Variants in CADM2 observed in about 807,000 individuals in gnomAD.
CADM2 encodes the protein immunoglobulin superfamily member 4D.
CADM2 carries 12 observed loss-of-function variants against 49.8 expected under a neutral mutation model. The observed-to-expected ratio is 0.24, with a 90% CI of 0.15 to 0.39. CADM2 has a LOEUF of 0.39. CADM2 is among the 10% of genes least tolerant of loss of function. CADM2 has a pLI of 1.00. For synonymous variants in CADM2, 214 were observed against 175.4 expected (o/e 1.22, Z -1.74); for missense variants, 378 against 492.3 (o/e 0.77, Z 2.20).
chr3:85,522,838 C>G (rs1028685000), intron 1 of CADM2, among the ~76,000 whole-genome samples: 1 of 151,788 alleles, frequency 6.6e-6, no homozygotes, highest in African/African-American at 2.4e-5. Context: ...CTCCTGTATC[C>G]CAAGCATCAG....
chr3:85,201,264 A>T (rs566411659), intron 1 of CADM2, among the ~76,000 whole-genome samples: 19 of 152,320 alleles, frequency 1.2e-4, no homozygotes, highest in African/African-American at 3.6e-4. Context: ...ATGTCACACA[A>T]ATTTGTTGGT....
At chr3:85,858,333 A>G (rs775779405) in intron 3 of CADM2, among the ~76,000 whole-genome samples, 4 of 152,194 alleles carry the variant, frequency 2.6e-5, no homozygotes, top group African/African-American at 4.8e-5. Context: ...ATTTAACACA[A>G]TTTTCTTGTT....
chr3:85,911,876 C>T (rs1457303283), intron 5 of CADM2, among the ~76,000 whole-genome samples: 1 of 151,656 alleles, frequency 6.6e-6, no homozygotes, highest in Non-Finnish European at 1.5e-5. Context: ...TGCTGCGCCC[C>T]CACCCTTTTA....
chr3:85,910,428 C>A (rs560202100), intron 5 of CADM2, among the ~76,000 whole-genome samples: 28 of 152,024 alleles, frequency 1.8e-4, no homozygotes, highest in Middle Eastern at 3.4e-3. Context: ...TAAATATAAG[C>A]AAAGAATCAT....
chr3:85,259,679 A>C (rs530245643), intron 1 of CADM2, among the ~76,000 whole-genome samples: 1 of 152,146 alleles, frequency 6.6e-6, no homozygotes, highest in Non-Finnish European at 1.5e-5. Context: ...GAACTGAAAC[A>C]ATTATCCAAA....
intron 6 of CADM2, among the ~76,000 whole-genome samples, chr3:85,919,101 T>C (rs1017542217): frequency 2.0e-5 from 3 of 152,076 alleles, no homozygotes; most frequent in Non-Finnish European, 1.5e-5. Context: ...ATTTTAATAC[T>C]GTAACTAAGA....
At chr3:85,875,738 C>T (rs1411079819) in intron 3 of CADM2, among the ~76,000 whole-genome samples, 1 of 152,126 alleles carries the variant, frequency 6.6e-6, no homozygotes, top group Non-Finnish European at 1.5e-5. Flanking sequence ...TAGCACAGGA[C>T]TAAGTGGACA....
In CADM2 at chr3:85,481,881, G is replaced by A. The variant is rs746016676; in HGVS notation, c.62-244641G>A. ...GATGAACACTCTATTGATGTTATTC[G>A]TGTTCTTTATGAGTCGGGAAGAAAG... On this transcript the variant is annotated intron_variant, in intron 1 of 9. Coordinates refer to ENST00000383699, the MANE Select transcript of CADM2 (RefSeq NM_001167675.2). Among the ~76,000 whole-genome samples, 23 of 148,592 alleles carry A rather than the reference G, an allele frequency of 1.5e-4. 1 individual carries two copies. In the East Asian group the frequency reaches 4.4e-3, roughly 28 times the overall value.
At chr3:85,577,458 T>A (rs1396262326) in intron 1 of CADM2, among the ~76,000 whole-genome samples, 1 of 152,114 alleles carries the variant, frequency 6.6e-6, no homozygotes, top group Non-Finnish European at 1.5e-5. Context: ...CCCTTCCTCC[T>A]TCTGCCATGC....
chr3:85,625,542 C>T (rs1040746096), intron 1 of CADM2, among the ~76,000 whole-genome samples: 3 of 151,376 alleles, frequency 2.0e-5, no homozygotes, highest in African/African-American at 7.3e-5. Flanking sequence ...AGTACTTATG[C>T]ACTCTTTCAA....
At position 85,736,647 on chromosome 3, in the gene CADM2, A is replaced by G. The variant is rs1473712206; in HGVS notation, c.88+10099A>G. On this transcript the variant is annotated intron_variant, in intron 2 of 9. Transcript: ENST00000383699. The stretch of plus-strand genomic sequence containing the variant: ...CTTTTTTCTGTTGGGTTTTTTTTCA[A>G]TTATTATTATTTCCTTGTTTGCTTT... Among the ~76,000 whole-genome samples, 5 of 152,120 alleles carry G rather than the reference A, an allele frequency of 3.3e-5. No homozygotes were observed. The South Asian group carries it at 6.2e-4, about 19-fold the overall frequency.
chr3:86,059,132 A>G (rs1373626278), intron 8 of CADM2, among the ~76,000 whole-genome samples: 1 of 152,006 alleles, frequency 6.6e-6, no homozygotes, highest in Non-Finnish European at 1.5e-5. Context: ...CTAGAATGAA[A>G]AGCTACTTGC....
chr3:85,832,411 T>C (rs928865498), intron 3 of CADM2, among the ~76,000 whole-genome samples: 1 of 152,134 alleles, frequency 6.6e-6, no homozygotes, highest in African/African-American at 2.4e-5. Flanking sequence ...TTAGGCAGTA[T>C]GGCAATTTTA....
chr3:85,440,254 CG>C (rs1559841095), intron 1 of CADM2, among the ~76,000 whole-genome samples: 2 of 152,068 alleles, frequency 1.3e-5, no homozygotes, highest in African/African-American at 4.8e-5. Context: ...AATTAGGAAA[CG>C]TGATTACTAC....
chr3:85,743,792 A>G (rs1030894100), intron 2 of CADM2, among the ~76,000 whole-genome samples: 1 of 152,200 alleles, frequency 6.6e-6, no homozygotes, highest in Non-Finnish European at 1.5e-5. Context: ...ATTCTAAAGT[A>G]TTTATTAAAA....
intron 1 of CADM2, among the ~76,000 whole-genome samples, chr3:85,078,576 C>T (rs2107493726): frequency 6.6e-6 from 1 of 151,930 alleles, no homozygotes; most frequent in East Asian, 1.9e-4. Flanking sequence ...ATGCAGATAT[C>T]TTATCTGCAC....
chr3:85,413,712 C>T (rs1451095649), intron 1 of CADM2, among the ~76,000 whole-genome samples: 1 of 152,120 alleles, frequency 6.6e-6, no homozygotes, highest in African/African-American at 2.4e-5. Context: ...TCCACCCTCA[C>T]GATCCAATCA....
chr3:85,650,464 G>A (rs1445880187), intron 1 of CADM2, among the ~76,000 whole-genome samples: 1 of 151,186 alleles, frequency 6.6e-6, no homozygotes, highest in African/African-American at 2.4e-5. Flanking sequence ...CTATGTGTTA[G>A]TGTGTGGGTG....
chr3:85,407,837 C>A (rs2035461691), intron 1 of CADM2, among the ~76,000 whole-genome samples: 1 of 151,524 alleles, frequency 6.6e-6, no homozygotes, highest in African/African-American at 2.4e-5. Flanking sequence ...AAAAACAAAA[C>A]AAAGCAAACA....
Sources: allele counts gnomAD v4.1 joint callset (sites outside exome capture counted in the v4.1 genomes callset), GRCh38; gene constraint gnomAD v4.1.1; transcripts MANE v1.5; gene names NCBI Gene and HGNC (gene_info 2026-07-23, HGNC 2026-07-21).